RYR2: variants seen among roughly 807,000 people sequenced by gnomAD.
The protein encoded by RYR2 is cardiac muscle ryanodine receptor-calcium release channel.
A neutral mutation model predicts 601.1 loss-of-function variants in RYR2; 227 were observed. The ratio of observed to expected loss-of-function variants is 0.38; its 90% CI spans 0.34 to 0.42. The LOEUF (loss-of-function observed/expected upper bound fraction) is 0.42. Among genes scored for constraint, RYR2 ranks in the 10% least tolerant of loss-of-function variants. The pLI, the probability that RYR2 is intolerant of heterozygous loss-of-function variation, is 1.00. For missense variants in RYR2, 4,646 were observed against 6,156.5 expected, an observed-to-expected ratio of 0.75 and a Z score of 8.21; for synonymous variants, 2,223 against 2,175.1, an observed-to-expected ratio of 1.02 and a Z score of -0.61.
chr1:237,761,395 T>G (rs1353062466), intron 84 of RYR2, among the ~76,000 whole-genome samples: 1 of 152,200 alleles, frequency 6.6e-6, no homozygotes, highest in East Asian at 1.9e-4. Context: ...TTTAGCAAAG[T>G]CGGGCTCTCA....
In RYR2 at chr1:237,614,661, T is replaced by C. The variant is rs1678264503; in HGVS notation, c.5533T>C (p.Leu1845=). 1.2e-6 allele frequency: 2 copies of C among 1,613,840 alleles called. No homozygotes were observed. The highest frequency in any genetic ancestry group is 1.3e-5 in the African/African-American group (1 of 74,912). Residue 1845 remains leucine, a synonymous_variant, in exon 37 of 105, where the codon TTG becomes CTG. Coordinates refer to ENST00000366574, the MANE Select transcript of RYR2 (RefSeq NM_001035.3). The surrounding 1 kb of genome is among the most constrained non-coding windows in gnomAD (Gnocchi z 4.3). ...HNEDLKHILQ[L]IEPSVFKEAA... is the part of the protein sequence containing the mutation. The stretch of plus-strand genomic sequence containing the variant: ...CGAGGACTTGAAGCACATCTTGCAG[T>C]TGATTGAGCCCAGTGTGTTTAAAGA...
chr1:237,171,231 C>T lies in RYR2; in HGVS notation c.49-99266C>T, dbSNP rs1226734824. On this transcript the variant is annotated intron_variant, in intron 1 of 104. Transcript: ENST00000366574. ...CCTGGGCGACAGAGCAAGACTCCAT[C>T]TCAAAAAAAAAAAAAATAGATTCTC... 3.3e-4 allele frequency among the ~76,000 whole-genome samples: 15 copies of T among 46,064 alleles called. No individual in the cohort carries two copies. In the Admixed American group the frequency reaches 5.2e-3, roughly 16 times the overall value. The allele number at this position is 46,064 out of a possible 152,430, so 30.2% of individuals were successfully genotyped here.
At chr1:237,803,834 G>A (rs1248143716) in intron 98 of RYR2, among the ~76,000 whole-genome samples, 1 of 152,062 alleles carries the variant, frequency 6.6e-6, no homozygotes, top group African/African-American at 2.4e-5. Flanking sequence ...TCCTGTTTGT[G>A]TCCTCTGTAA....
chr1:237,540,733 C>T (rs1205666429), intron 25 of RYR2, among the ~76,000 whole-genome samples: 1 of 145,280 alleles, frequency 6.9e-6, no homozygotes, highest in Non-Finnish European at 1.5e-5. Flanking sequence ...AAAAAAAAAG[C>T]ATACTAGGAT....
chr1:237,612,577 T>C (rs1678003103), intron 36 of RYR2, among the ~76,000 whole-genome samples: 1 of 152,134 alleles, frequency 6.6e-6, no homozygotes, highest in Non-Finnish European at 1.5e-5. Flanking sequence ...TTGAGATGGT[T>C]CAGTTTGATT....
In RYR2 at chr1:237,791,453, A is replaced by C. The variant is rs1445700179; in HGVS notation, c.13501A>C (p.Asn4501His). ...GAACTATTTTGCTCGCAACTTTTAC[A>C]ACATGAGAATGTTAGCCTTATTTGT... is the stretch of plus-strand genomic sequence containing the variant. ...LLNYFARNFY[N>H]MRMLALFVAF... The change falls in exon 93 of 105, where the codon AAC (asparagine) becomes CAC (histidine). Residue 4501 changes from asparagine (N) to histidine (H), a missense_variant. Physicochemically the swap from Asn to His is moderately conservative, Grantham distance 68. Coordinates refer to ENST00000366574, the MANE Select transcript of RYR2 (RefSeq NM_001035.3). 5 of 1,578,298 alleles carry C rather than the reference A, an allele frequency of 3.2e-6. No individual in the cohort carries two copies. The highest frequency in any genetic ancestry group is 4.3e-6 in the Non-Finnish European group (5 of 1,158,470).
chr1:237,065,567 G>A (rs898753944), intron 1 of RYR2, among the ~76,000 whole-genome samples: 4 of 152,048 alleles, frequency 2.6e-5, no homozygotes, highest in Non-Finnish European at 5.9e-5. Context: ...TTACAGGCGT[G>A]AGCCACCGTG....
intron 1 of RYR2, among the ~76,000 whole-genome samples, chr1:237,088,248 G>T (rs371905955): frequency 6.6e-6 from 1 of 152,040 alleles, no homozygotes; most frequent in African/African-American, 2.4e-5. Flanking sequence ...GGCAACCCTT[G>T]GTACGTGTGC....
chr1:237,649,833 A>G (rs932931684), intron 49 of RYR2, 44 bp from the exon 50 acceptor site: 4 of 1,556,798 alleles, frequency 2.6e-6, no homozygotes, highest in Non-Finnish European at 2.6e-6. Context: ...AAGATTATCT[A>G]CTGCCAAACA....
intron 98 of RYR2, among the ~76,000 whole-genome samples, chr1:237,804,082 C>T (rs1471775487): frequency 1.3e-5 from 2 of 152,038 alleles, no homozygotes; most frequent in African/African-American, 4.8e-5. Flanking sequence ...GAACGTTGAC[C>T]AGCACTTAGT....
chr1:237,423,944 G>A (rs1279814128), intron 12 of RYR2, among the ~76,000 whole-genome samples: 3 of 152,126 alleles, frequency 2.0e-5, no homozygotes, highest in African/African-American at 4.8e-5. Context: ...CATGACAGAA[G>A]GGGAAGCAGG....
chr1:237,431,383 C>T (rs1423402359), intron 12 of RYR2, among the ~76,000 whole-genome samples: 1 of 152,046 alleles, frequency 6.6e-6, no homozygotes, highest in Non-Finnish European at 1.5e-5. Flanking sequence ...AAATCCATCA[C>T]TCAGAAACAA....
At chr1:237,478,791 C>A (rs549081272) in intron 17 of RYR2, among the ~76,000 whole-genome samples, 1 of 53,124 alleles carries the variant, frequency 1.9e-5, no homozygotes. Context: ...CCTTAAGGGA[C>A]CCCCCTACCC....
intron 6 of RYR2, among the ~76,000 whole-genome samples, chr1:237,373,895 A>G (rs1469663771): frequency 1.3e-5 from 2 of 152,220 alleles, no homozygotes; most frequent in African/African-American, 4.8e-5. Flanking sequence ...TAGTCTTCAA[A>G]TTTGTTTGGG....
intron 40 of RYR2, among the ~76,000 whole-genome samples, chr1:237,627,015 T>G (rs1679746353): frequency 6.6e-6 from 1 of 152,204 alleles, no homozygotes; most frequent in South Asian, 2.1e-4. Context: ...AAATGGTAGT[T>G]TTTGTTTTTG....
chr1:237,421,400 C>G (rs2150050015), intron 11 of RYR2, among the ~76,000 whole-genome samples: 1 of 152,214 alleles, frequency 6.6e-6, no homozygotes, highest in East Asian at 1.9e-4. Flanking sequence ...ACTTTAATTT[C>G]ATCTTAAGAC....
intron 24 of RYR2, among the ~76,000 whole-genome samples, chr1:237,522,269 A>T (rs901752562): frequency 6.6e-6 from 1 of 152,226 alleles, no homozygotes; most frequent in African/African-American, 2.4e-5. Context: ...CATAAAATAC[A>T]CTATAATACT....
intron 62 of RYR2, among the ~76,000 whole-genome samples, chr1:237,684,585 T>C (rs1372115948): frequency 2.0e-5 from 3 of 152,130 alleles, no homozygotes; most frequent in African/African-American, 7.2e-5. Flanking sequence ...GTATCATGAA[T>C]AGAAACAACA....
chr1:237,511,834 G>GAAAAA lies in RYR2; in HGVS notation c.2822+64_2822+68dup, dbSNP rs71561879. 8.6e-4 allele frequency: 162 copies of GAAAAA among 189,004 alleles called. 7 individuals carry two copies. Among genetic ancestry groups the GAAAAA allele is most frequent in the Non-Finnish European group, 1.3e-3 (135 of 106,508 alleles). 11.7% of individuals were successfully genotyped at this position (189,004 alleles called of 1,614,324 possible). ...TTCTATTTTCCAACCTGCCTTCCCTGAAAAAAAAAAAAAAAAAAAAAAAAA... is the reference window on the plus strand; with the variant it reads ...TTCTATTTTCCAACCTGCCTTCCCTGAAAAAAAAAAAAAAAAAAAAAAAAAAAAAA... On this transcript the variant is annotated intron_variant, in intron 24 of 104. Coordinates refer to ENST00000366574, the MANE Select transcript of RYR2 (RefSeq NM_001035.3).
Sources: allele counts gnomAD v4.1 joint callset (sites outside exome capture counted in the v4.1 genomes callset), GRCh38; gene constraint gnomAD v4.1.1; non-coding constraint Gnocchi (gnomAD v3.1); transcripts MANE v1.5; gene names NCBI Gene and HGNC (gene_info 2026-07-23, HGNC 2026-07-21).